Variants in JDP2 observed in about 807,000 individuals in gnomAD.
The protein encoded by JDP2 is Jun dimerization protein 2.
In JDP2, 9 loss-of-function variants were observed where a neutral mutation model predicts 17.1. The observed-to-expected ratio is 0.53, with a 90% CI of 0.32 to 0.92. JDP2 has a LOEUF of 0.92. JDP2 is among the 40% of genes least tolerant of loss of function. JDP2 has a pLI of 0.04. For synonymous variants in JDP2, 107 were observed against 95.6 expected (o/e 1.12, Z -0.69); for missense variants, 179 against 220.0 (o/e 0.81, Z 1.18).
intron 3 of JDP2, among the ~76,000 whole-genome samples, chr14:75,463,871 A>G (rs1418366855): frequency 6.6e-6 from 1 of 152,078 alleles, no homozygotes; most frequent in Non-Finnish European, 1.5e-5. Flanking sequence ...CTTCACTCTC[A>G]CAAGTGCTGC....
chr14:75,465,117 T>G (rs1006142725), intron 3 of JDP2, among the ~76,000 whole-genome samples: 3 of 152,272 alleles, frequency 2.0e-5, no homozygotes, highest in Admixed American at 2.0e-4. Flanking sequence ...CCCCACACAA[T>G]ATTCAGGTTG....
intron 3 of JDP2, among the ~76,000 whole-genome samples, chr14:75,463,758 C>G (rs2139996192): frequency 6.6e-6 from 1 of 152,256 alleles, no homozygotes; most frequent in Non-Finnish European, 1.5e-5. Flanking sequence ...GAGAGGCAGG[C>G]AGGGCCCAGA....
At chr14:75,433,326 T>G (rs1322179146) in intron 1 of JDP2, among the ~76,000 whole-genome samples, 1 of 149,578 alleles carries the variant, frequency 6.7e-6, no homozygotes, top group East Asian at 2.0e-4. Flanking sequence ...TTTTACAGAT[T>G]TACACACAAA....
rs566447941 is a variant in JDP2 at position 75,430,200 on chromosome 14, G to C, written c.-24+1948G>C. Among the ~76,000 whole-genome samples, 4 of 152,138 alleles carry C rather than the reference G, an allele frequency of 2.6e-5. No homozygotes were observed. Among genetic ancestry groups the C allele is most frequent in the Non-Finnish European group, 5.9e-5 (4 of 68,030 alleles). On this transcript the variant is annotated intron_variant, in intron 1 of 3. Coordinates refer to ENST00000651602, the MANE Select transcript of JDP2 (RefSeq NM_001135048.2). This position sits in a 1 kb window ranked among gnomAD's most constrained non-coding sequence, Gnocchi z 4.5. Reference sequence around the variant, plus strand: ...AATCCCTGGCAGGAATAGGCTCTCTGGGCCTTGTTTGTCGTGGGGCTACTG... The same window carrying C: ...AATCCCTGGCAGGAATAGGCTCTCTCGGCCTTGTTTGTCGTGGGGCTACTG...
intron 2 of JDP2, among the ~76,000 whole-genome samples, chr14:75,446,184 G>A (rs968143969): frequency 6.6e-6 from 1 of 152,218 alleles, no homozygotes; most frequent in Admixed American, 6.5e-5. Context: ...TGGAGAAGCT[G>A]TCGTCATGAA....
intron 2 of JDP2, among the ~76,000 whole-genome samples, chr14:75,456,118 T>G (rs987274235): frequency 2.6e-5 from 4 of 152,034 alleles, no homozygotes; most frequent in African/African-American, 9.7e-5. Context: ...CTTCTCAAAC[T>G]CCCTTCAAGC....
chr14:75,435,187 C>G (rs1885004935), intron 1 of JDP2, among the ~76,000 whole-genome samples: 1 of 152,332 alleles, frequency 6.6e-6, no homozygotes, highest in African/African-American at 2.4e-5. Context: ...GGAGCGGCCT[C>G]CTAGCGTGGC....
rs3625 is a variant in JDP2, at chr14:75,437,957, A to T, written c.37A>T (p.Thr13Ser). The T allele has an allele frequency of 6.2e-7, 1 of 1,611,740 alleles. No homozygotes were observed. Among genetic ancestry groups the T allele is most frequent in the East Asian group, 2.2e-5 (1 of 44,774 alleles). ...GCAGATCCCGGACCCTTCGGTGACC[A>T]CAGGCTCCCTGCCAGGGCTTGGCCC... ...PGQIPDPSVT[T>S]GSLPGLGPLT... The change falls in exon 2 of 4, where the codon ACA becomes TCA. Residue 13 changes from threonine (T) to serine (S), a missense_variant. By Grantham distance (58) the Thr-to-Ser change is moderately conservative. Coordinates refer to ENST00000651602, the MANE Select transcript of JDP2 (RefSeq NM_001135048.2).
intron 1 of JDP2, among the ~76,000 whole-genome samples, chr14:75,429,039 G>T (rs944288104): frequency 2.6e-5 from 4 of 152,228 alleles, no homozygotes; most frequent in Non-Finnish European, 4.4e-5. Flanking sequence ...GGGGGTGGGA[G>T]AGTGTAGGGG....
intron 2 of JDP2, chr14:75,445,173 T>C (rs1323745535): frequency 1.0e-6 from 1 of 985,038 alleles, no homozygotes; most frequent in Non-Finnish European, 1.2e-6. Context: ...TATGAAGCCA[T>C]TTAAGTCTGT....
chr14:75,441,124 AGAGAGAGAGG>A (rs1363960104), intron 2 of JDP2, among the ~76,000 whole-genome samples: 4 of 151,450 alleles, frequency 2.6e-5, no homozygotes, highest in Non-Finnish European at 5.9e-5. Flanking sequence ...GTTCCGAGAG[AGAGAGAGAGG>A]GAGAGAGAGA....
intron 3 of JDP2, among the ~76,000 whole-genome samples, chr14:75,462,611 G>A (rs920613408): frequency 2.6e-5 from 4 of 152,116 alleles, no homozygotes; most frequent in East Asian, 1.9e-4. Context: ...TTGATTCAAC[G>A]GGTATTTTTA....
intron 2 of JDP2, among the ~76,000 whole-genome samples, chr14:75,458,759 G>T (rs1417237593): frequency 2.0e-5 from 3 of 152,198 alleles, no homozygotes; most frequent in Admixed American, 6.5e-5. Context: ...GGAGTCAAAG[G>T]ACCCTTCCTG....
At chr14:75,461,391 C>G (rs762956302) in intron 2 of JDP2, 35 bp from the exon 3 acceptor site, 1 of 1,508,728 alleles carries the variant, frequency 6.6e-7, no homozygotes, top group Non-Finnish European at 9.1e-7. Context: ...CCAAGCCTGC[C>G]TCAGTGTCTA....
rs1885159105 is a variant in JDP2 at position 75,438,076 on chromosome 14, C to T, written c.156C>T (p.Phe52=). 1 of 1,613,640 alleles carries T rather than the reference C, an allele frequency of 6.2e-7. No individual in the cohort carries two copies. The highest frequency in any genetic ancestry group is 8.5e-7 in the Non-Finnish European group (1 of 1,179,684). ...GGGCCATGATTGCACCCTTGCACTT[C>T]CTGGAGGTGAAACTGGGCAAGAGGC... is the stretch of plus-strand genomic sequence containing the variant. The part of the protein sequence containing the change: ...NLGAMIAPLH[F]LEVKLGKRPQ... Residue 52 remains phenylalanine (F), a synonymous_variant, in exon 2 of 4, where the codon TTC becomes TTT. Transcript: ENST00000651602.
At chr14:75,458,998 G>C (rs1422895156) in intron 2 of JDP2, among the ~76,000 whole-genome samples, 2 of 152,228 alleles carry the variant, frequency 1.3e-5, no homozygotes, top group Admixed American at 1.3e-4. Flanking sequence ...TTCCAGCTCT[G>C]AATCTTTTTG....
In JDP2 at chr14:75,461,542, G is replaced by T; in HGVS notation, c.306+12G>T. On this transcript the variant is annotated intron_variant, in intron 3 of 3. Coordinates refer to ENST00000651602, the MANE Select transcript of JDP2 (RefSeq NM_001135048.2). ...AGTTTCTGCAGCGGGTGAGCTGACC[G>T]GGTGGGTGGGGAGGCCTGCCATTCC... 1 of 1,582,496 alleles carries T rather than the reference G, an allele frequency of 6.3e-7. No homozygotes were observed. The highest frequency in any genetic ancestry group is 8.6e-7 in the Non-Finnish European group (1 of 1,164,590).
chr14:75,444,241 G>A (rs180995403), intron 2 of JDP2, among the ~76,000 whole-genome samples: 96 of 152,322 alleles, frequency 6.3e-4, no homozygotes, highest in African/African-American at 2.2e-3. Flanking sequence ...GCTGCTAAAG[G>A]TTTCACATGA....
chr14:75,437,815 C>T lies in JDP2; in HGVS notation c.-23-83C>T, dbSNP rs1885139555. On this transcript the variant is annotated intron_variant, in intron 1 of 3. Coordinates refer to ENST00000651602, the MANE Select transcript of JDP2 (RefSeq NM_001135048.2). ...AGGGGAACATTGGTGAAAGAAGCCA[C>T]AGTCCTGGCAAGACGAGGGACTTGA... 10 of 906,294 alleles carry T rather than the reference C, an allele frequency of 1.1e-5. 1 individual carries two copies. Among genetic ancestry groups the T allele is most frequent in the Non-Finnish European group, 1.6e-5 (10 of 620,682 alleles). 56.1% of individuals were successfully genotyped at this position (906,294 alleles called of 1,614,324 possible). A position where few individuals can be genotyped will look rare whatever the true frequency, so the allele number is the denominator to read the frequency against.
Sources: allele counts gnomAD v4.1 joint callset (sites outside exome capture counted in the v4.1 genomes callset), GRCh38; gene constraint gnomAD v4.1.1; non-coding constraint Gnocchi (gnomAD v3.1); transcripts MANE v1.5; gene names NCBI Gene and HGNC (gene_info 2026-07-23, HGNC 2026-07-21).